GOLM2: variants seen among roughly 807,000 people sequenced by gnomAD.
GOLM2 encodes protein GOLM2.
In GOLM2, 26 loss-of-function variants were observed where a neutral mutation model predicts 55.9. The observed-to-expected ratio is 0.47, with a 90% confidence interval of 0.34 to 0.65. GOLM2 has a LOEUF of 0.65. Among genes scored for constraint, GOLM2 ranks in the 30% least tolerant of loss-of-function variants. The probability of loss-of-function intolerance (pLI) is 0.01; values close to 1 mark genes in which losing one functional copy is unlikely to be tolerated. For synonymous variants in GOLM2, 165 were observed against 194.6 expected, an observed-to-expected ratio of 0.85 and a Z score of 1.27; for missense variants, 486 against 531.8, an observed-to-expected ratio of 0.91 and a Z score of 0.85.
Position 44,288,752 on chromosome 15 carries a change from G to C in GOLM2, c.-278G>C. 1 of 476,340 alleles carries C rather than the reference G, an allele frequency of 2.1e-6. No individual in the cohort carries two copies. The highest frequency in any genetic ancestry group is 2.9e-5 in the South Asian group (1 of 34,676). The allele number at this position is 476,340 out of a possible 1,614,324, so 29.5% of individuals were successfully genotyped here. A position where few individuals can be genotyped will look rare whatever the true frequency, so the allele number is the denominator to read the frequency against. ...CCAACCGTGAGGTGTTGGGTTTGGG[G>C]GACGCTGGCAGCTGGGTTCTCCCGG... is the stretch of plus-strand genomic sequence containing the variant. On this transcript the variant is annotated 5_prime_UTR_variant, in exon 1 of 10. Coordinates refer to ENST00000299957, the MANE Select transcript of GOLM2 (RefSeq NM_138423.4).
At chr15:44,330,837 T>TA (rs1383698878) in intron 3 of GOLM2, among the ~76,000 whole-genome samples, 1 of 152,242 alleles carries the variant, frequency 6.6e-6, no homozygotes, top group African/African-American at 2.4e-5. Context: ...TTGTTGCTTT[T>TA]ACAGCATAGA....
At chr15:44,406,910 G>A (rs2079600718) in intron 9 of GOLM2, 1 of 151,902 alleles carries the variant, frequency 6.6e-6, no homozygotes, top group Admixed American at 6.6e-5. Context: ...TGCCAGTAGG[G>A]AGCTGAAGCA....
chr15:44,356,395 T>C (rs921576366), intron 6 of GOLM2, among the ~76,000 whole-genome samples: 3 of 151,906 alleles, frequency 2.0e-5, no homozygotes, highest in African/African-American at 7.3e-5. Context: ...TGAAAGAGGG[T>C]TATCACTACA....
At chr15:44,319,563 G>A (rs918138319) in intron 1 of GOLM2, among the ~76,000 whole-genome samples, 7 of 151,878 alleles carry the variant, frequency 4.6e-5, no homozygotes, top group African/African-American at 1.7e-4. Context: ...TGTGAGTGGG[G>A]TTTTTGTTTG....
chr15:44,369,535 A>G (rs2079315074), intron 6 of GOLM2, among the ~76,000 whole-genome samples: 1 of 151,986 alleles, frequency 6.6e-6, no homozygotes, highest in African/African-American at 2.4e-5. Flanking sequence ...TGTTTAAAAC[A>G]GTTCTTGGCA....
At chr15:44,352,366 T>C (rs185741288) in intron 6 of GOLM2, among the ~76,000 whole-genome samples, 28 of 152,278 alleles carry the variant, frequency 1.8e-4, no homozygotes, top group Non-Finnish European at 3.2e-4. Flanking sequence ...TGAATATCCA[T>C]ACACAGAAGA....
intron 1 of GOLM2, among the ~76,000 whole-genome samples, chr15:44,320,944 A>G (rs985232814): frequency 6.6e-6 from 1 of 152,212 alleles, no homozygotes; most frequent in Non-Finnish European, 1.5e-5. Flanking sequence ...TCCATCTGAA[A>G]TGCCCCTTTC....
At chr15:44,315,763 A>G (rs554868671) in intron 1 of GOLM2, among the ~76,000 whole-genome samples, 1 of 152,358 alleles carries the variant, frequency 6.6e-6, no homozygotes, top group African/African-American at 2.4e-5. Flanking sequence ...GGCCTATTAT[A>G]GATGGACTCA....
chr15:44,312,074 T>C lies in GOLM2; in HGVS notation c.328-10891T>C, dbSNP rs184645670. ...ATAAACCATAATTGTTCTCCAACTT[T>C]ATCTGGACCTCTAATCTATTACCTC... On this transcript the variant is annotated intron_variant, in intron 1 of 9. Transcript: ENST00000299957. Among the ~76,000 whole-genome samples, 576 of 152,322 alleles carry C rather than the reference T, an allele frequency of 3.8e-3. 4 individuals carry two copies. Among genetic ancestry groups the C allele is most frequent in the Non-Finnish European group, 5.5e-3 (376 of 68,018 alleles).
chr15:44,336,744 G>A (rs1480648220), intron 4 of GOLM2, among the ~76,000 whole-genome samples: 3 of 151,704 alleles, frequency 2.0e-5, no homozygotes, highest in Admixed American at 1.3e-4. Flanking sequence ...GTGAAACCCC[G>A]TCTCTACTAA....
rs181144279 is a variant in GOLM2, at chr15:44,312,605, C to T, written c.328-10360C>T. Among the ~76,000 whole-genome samples, 8 of 152,258 alleles carry T rather than the reference C, an allele frequency of 5.3e-5. No homozygotes were observed. In the East Asian group the frequency reaches 1.5e-3, roughly 29 times the overall value. On this transcript the variant is annotated intron_variant, in intron 1 of 9. Transcript: ENST00000299957. Reference sequence around the variant, plus strand: ...TTGTAGAATTAGTAATCCAGTCCTCCTCTTATATTCACCCTCTCAGTCTAT... The same window carrying T: ...TTGTAGAATTAGTAATCCAGTCCTCTTCTTATATTCACCCTCTCAGTCTAT...
At chr15:44,313,101 T>C (rs181077834) in intron 1 of GOLM2, among the ~76,000 whole-genome samples, 1 of 150,754 alleles carries the variant, frequency 6.6e-6, no homozygotes, top group Non-Finnish European at 1.5e-5. Flanking sequence ...ATACAAAAAT[T>C]AGCCTGGTGT....
chr15:44,316,704 G>A (rs962366642), intron 1 of GOLM2, among the ~76,000 whole-genome samples: 3 of 150,466 alleles, frequency 2.0e-5, no homozygotes, highest in Admixed American at 6.6e-5. Context: ...GCAGTGAGCC[G>A]AGATTGTGCC....
chr15:44,327,699 G>A (rs748140316), intron 2 of GOLM2, among the ~76,000 whole-genome samples: 38 of 152,104 alleles, frequency 2.5e-4, no homozygotes, highest in African/African-American at 7.7e-4. Context: ...ACTCTTTTCC[G>A]CCTGCATTTC....
intron 1 of GOLM2, among the ~76,000 whole-genome samples, chr15:44,311,801 C>G (rs964257220): frequency 1.3e-5 from 2 of 152,072 alleles, no homozygotes; most frequent in African/African-American, 2.4e-5. Flanking sequence ...AGGTGCCCAC[C>G]ACCATGCCTG....
chr15:44,361,244 A>G (rs1185589378), intron 6 of GOLM2, among the ~76,000 whole-genome samples: 1 of 152,220 alleles, frequency 6.6e-6, no homozygotes, highest in Admixed American at 6.5e-5. Context: ...AAAACCCTTC[A>G]AAAAATTAAT....
intron 6 of GOLM2, among the ~76,000 whole-genome samples, chr15:44,376,003 G>A (rs1177839598): frequency 2.0e-5 from 3 of 152,100 alleles, no homozygotes; most frequent in Admixed American, 6.5e-5. Flanking sequence ...TTGGGAGGCC[G>A]AGGTGGGCGG....
intron 6 of GOLM2, among the ~76,000 whole-genome samples, chr15:44,373,610 C>A (rs1308964760): frequency 3.3e-5 from 5 of 150,080 alleles, no homozygotes. Flanking sequence ...AAAAATTAGC[C>A]GGGCGCGGTG....
At chr15:44,376,205 G>T (rs1233358641) in intron 6 of GOLM2, among the ~76,000 whole-genome samples, 1 of 152,208 alleles carries the variant, frequency 6.6e-6, no homozygotes, top group Non-Finnish European at 1.5e-5. Flanking sequence ...TTGCACTCCA[G>T]CCTGGGCAAC....
Sources: gnomAD v4.1 joint callset for allele counts (sites outside exome capture counted in the v4.1 genomes callset) on GRCh38, gnomAD v4.1.1 for gene constraint, MANE v1.5 for transcripts, NCBI Gene and HGNC (gene_info 2026-07-23, HGNC 2026-07-21) for gene names.